Variants in NCK2 observed in about 807,000 individuals in gnomAD.
NCK2 encodes the protein cytoplasmic protein NCK2.
Under a neutral mutation model 33.9 loss-of-function variants are expected in NCK2, and 16 were observed. The ratio of observed to expected loss-of-function variants is 0.47; its 90% CI spans 0.32 to 0.72. The LOEUF (loss-of-function observed/expected upper bound fraction) is 0.72, where lower values mean the gene tolerates loss of function less well. Among genes scored for constraint, NCK2 ranks in the 30% least tolerant of loss-of-function variants. NCK2 has a pLI of 0.03. For missense variants in NCK2, 418 were observed against 537.3 expected (o/e 0.78, Z 2.19); for synonymous variants, 273 against 239.9 (o/e 1.14, Z -1.27).
chr2:105,801,087 C>T (rs1674816542), intron 1 of NCK2, among the ~76,000 whole-genome samples: 1 of 152,210 alleles, frequency 6.6e-6, no homozygotes, highest in South Asian at 2.1e-4. Context: ...CTGAGCCCGT[C>T]AGCATTTGTT....
intron 1 of NCK2, among the ~76,000 whole-genome samples, chr2:105,768,602 C>T (rs554761025): frequency 1.3e-5 from 2 of 152,186 alleles, no homozygotes; most frequent in Non-Finnish European, 1.5e-5. Context: ...TTGTCCAACC[C>T]GCGGTCCAGG....
At chr2:105,858,898 C>G (rs963921474) in intron 3 of NCK2, among the ~76,000 whole-genome samples, 1 of 152,224 alleles carries the variant, frequency 6.6e-6, no homozygotes. Flanking sequence ...TGGATCTCTT[C>G]TCATATTCAG....
chr2:105,877,685 A>C (rs1394728618), intron 3 of NCK2, among the ~76,000 whole-genome samples: 1 of 152,180 alleles, frequency 6.6e-6, no homozygotes, highest in Non-Finnish European at 1.5e-5. Flanking sequence ...TCAGAGTCCT[A>C]GTTTCATTTC....
At chr2:105,890,481 GA>G (rs1305569975) in intron 4 of NCK2, among the ~76,000 whole-genome samples, 2 of 152,174 alleles carry the variant, frequency 1.3e-5, no homozygotes, top group African/African-American at 4.8e-5. Context: ...TTCTAGTACA[GA>G]ATATTAATCA....
chr2:105,810,017 G>T (rs888263840), intron 1 of NCK2, among the ~76,000 whole-genome samples: 3 of 152,140 alleles, frequency 2.0e-5, no homozygotes, highest in Admixed American at 6.5e-5. Context: ...GGGTGCTGAG[G>T]TCTCATTCAG....
At chr2:105,872,211 C>G (rs1014702397) in intron 3 of NCK2, among the ~76,000 whole-genome samples, 8 of 152,226 alleles carry the variant, frequency 5.3e-5, no homozygotes, top group Admixed American at 1.3e-4. Context: ...CTGCCCAGAT[C>G]CCTCTCTGCA....
chr2:105,763,417 C>T (rs569759210), intron 1 of NCK2, among the ~76,000 whole-genome samples: 14 of 152,206 alleles, frequency 9.2e-5, no homozygotes, highest in East Asian at 7.7e-4. Flanking sequence ...CATGCAGTAA[C>T]GACAAAACAT....
chr2:105,827,201 A>C (rs988689449), intron 2 of NCK2, among the ~76,000 whole-genome samples: 1 of 152,056 alleles, frequency 6.6e-6, no homozygotes, highest in South Asian at 2.1e-4. Context: ...GGGTTTCACC[A>C]TGTTAGCCAG....
rs150453347 is a variant in NCK2, at chr2:105,833,323, C to T, written c.-17+16710C>T. Among the ~76,000 whole-genome samples the T allele has an allele frequency of 3.9e-5, 6 of 152,178 alleles. No homozygotes were observed. In the East Asian group the frequency reaches 7.8e-4, roughly 20 times the overall value. Reference sequence around the variant, plus strand: ...TGTTGGCCAGGCTGATCTCGAACTCCGGGCCTCAGGTGATCCACCCACTTC... The same window carrying T: ...TGTTGGCCAGGCTGATCTCGAACTCTGGGCCTCAGGTGATCCACCCACTTC... On this transcript the variant is annotated intron_variant, in intron 2 of 4. Transcript: ENST00000233154.
intron 1 of NCK2, among the ~76,000 whole-genome samples, chr2:105,804,884 G>C (rs1674972765): frequency 6.6e-6 from 1 of 152,200 alleles, no homozygotes; most frequent in African/African-American, 2.4e-5. Flanking sequence ...GCAAACTGGG[G>C]GACAAGGATT....
intron 2 of NCK2, among the ~76,000 whole-genome samples, chr2:105,835,197 C>T (rs1676344057): frequency 6.6e-6 from 1 of 151,204 alleles, no homozygotes; most frequent in Non-Finnish European, 1.5e-5. Context: ...TCCATGATGG[C>T]AGATATCATT....
At chr2:105,800,763 A>T (rs1674798871) in intron 1 of NCK2, among the ~76,000 whole-genome samples, 1 of 152,196 alleles carries the variant, frequency 6.6e-6, no homozygotes, top group Non-Finnish European at 1.5e-5. Flanking sequence ...TTTGTTTGTT[A>T]AAAAGAAGAA....
intron 1 of NCK2, among the ~76,000 whole-genome samples, chr2:105,800,804 C>G (rs1471572263): frequency 6.6e-6 from 1 of 152,044 alleles, no homozygotes; most frequent in African/African-American, 2.4e-5. Context: ...GAACAAATGT[C>G]GTGAAGAAGG....
chr2:105,826,503 A>C (rs1675948942), intron 2 of NCK2, among the ~76,000 whole-genome samples: 1 of 152,190 alleles, frequency 6.6e-6, no homozygotes. Context: ...TCAGGAATGG[A>C]AAACTTAAAG....
intron 2 of NCK2, among the ~76,000 whole-genome samples, chr2:105,819,868 C>A (rs572517470): frequency 1.3e-5 from 2 of 152,232 alleles, no homozygotes; most frequent in East Asian, 3.9e-4. Flanking sequence ...ATTGTGAACA[C>A]CCCACCTGTA....
chr2:105,857,075 T>C (rs1483462467), intron 3 of NCK2: 1 of 149,768 alleles, frequency 6.7e-6, no homozygotes, highest in Non-Finnish European at 1.5e-5. Context: ...TAGTAAAGCA[T>C]GAAGTGCTTA....
intron 2 of NCK2, among the ~76,000 whole-genome samples, chr2:105,849,899 G>A (rs1676996501): frequency 6.6e-6 from 1 of 152,164 alleles, no homozygotes; most frequent in Admixed American, 6.5e-5. Context: ...CTCTCTTAAT[G>A]CTGGCACATC....
intron 1 of NCK2, among the ~76,000 whole-genome samples, chr2:105,801,130 G>C (rs1573608379): frequency 6.6e-6 from 1 of 152,200 alleles, no homozygotes; most frequent in African/African-American, 2.4e-5. Flanking sequence ...ATGTCTGCAG[G>C]GTGTCTGGTG....
intron 1 of NCK2, among the ~76,000 whole-genome samples, chr2:105,785,626 G>A (rs1437211325): frequency 1.3e-5 from 2 of 152,218 alleles, no homozygotes; most frequent in African/African-American, 4.8e-5. Context: ...GAAGCCACAG[G>A]ATTGGCTCTG....
Sources: allele counts gnomAD v4.1 joint callset (sites outside exome capture counted in the v4.1 genomes callset), GRCh38; gene constraint gnomAD v4.1.1; transcripts MANE v1.5; gene names NCBI Gene and HGNC (gene_info 2026-07-23, HGNC 2026-07-21).